Variants in GPC6 observed in about 807,000 individuals in gnomAD.
GPC6 encodes the protein glypican 6.
A neutral mutation model predicts 55.2 loss-of-function variants in GPC6; 14 were observed. The ratio of observed to expected loss-of-function variants is 0.25; its 90% CI spans 0.17 to 0.40. The LOEUF is 0.40. Among genes scored for constraint, GPC6 ranks in the 10% least tolerant of loss-of-function variants. The probability of loss-of-function intolerance (pLI) is 1.00; values close to 1 mark genes in which losing one functional copy is unlikely to be tolerated. For synonymous variants in GPC6, 278 were observed against 259.6 expected (o/e 1.07, Z -0.68); for missense variants, 641 against 708.5 (o/e 0.90, Z 1.08).
intron 1 of GPC6, among the ~76,000 whole-genome samples, chr13:93,411,119 C>T (rs903398175): frequency 2.6e-5 from 4 of 152,128 alleles, no homozygotes; most frequent in Non-Finnish European, 5.9e-5. Context: ...GATATTTCCT[C>T]GAAGGCTGGT....
At chr13:93,218,542 A>G in the GPC6 span, among the ~76,000 whole-genome samples, 1 of 152,222 alleles carries the variant, frequency 6.6e-6, no homozygotes, top group African/African-American at 2.4e-5. Flanking sequence ...AGTTGGGCTT[A>G]ATGTAGTCAC....
At chr13:94,338,796 G>A (rs1877862262) in intron 6 of GPC6, among the ~76,000 whole-genome samples, 2 of 152,176 alleles carry the variant, frequency 1.3e-5, no homozygotes, top group African/African-American at 2.4e-5. Flanking sequence ...AGCCCAGGCA[G>A]GAACTGGTTT....
chr13:93,573,952 A>T (rs1190175526), intron 2 of GPC6, among the ~76,000 whole-genome samples: 1 of 152,096 alleles, frequency 6.6e-6, no homozygotes, highest in Admixed American at 6.6e-5. Flanking sequence ...GAGTTGAGAG[A>T]CATGAGGTGT....
At chr13:93,961,261 G>C (rs148387534) in intron 3 of GPC6, among the ~76,000 whole-genome samples, 14 of 152,150 alleles carry the variant, frequency 9.2e-5, no homozygotes, top group African/African-American at 3.4e-4. Flanking sequence ...ATAATCTCTT[G>C]AGTCTTAACT....
At chr13:94,291,037 C>T (rs1312233181) in intron 5 of GPC6, among the ~76,000 whole-genome samples, 1 of 151,940 alleles carries the variant, frequency 6.6e-6, no homozygotes, top group Non-Finnish European at 1.5e-5. Context: ...ACTAAAACTA[C>T]AAAAATTAGC....
At chr13:93,291,837 A>C (rs142736069) in intron 1 of GPC6, among the ~76,000 whole-genome samples, 48 of 152,236 alleles carry the variant, frequency 3.2e-4, no homozygotes, top group African/African-American at 1.1e-3. Context: ...GAGAGATTTT[A>C]ACTTGGAAAA....
At chr13:93,572,718 A>AT (rs1876467296) in intron 2 of GPC6, among the ~76,000 whole-genome samples, 1 of 152,092 alleles carries the variant, frequency 6.6e-6, no homozygotes, top group Non-Finnish European at 1.5e-5. Flanking sequence ...AGTCTTTTGT[A>AT]TTTTTTCTCA....
chr13:94,215,565 C>G (rs2138994489), intron 4 of GPC6, among the ~76,000 whole-genome samples: 1 of 152,278 alleles, frequency 6.6e-6, no homozygotes, highest in East Asian at 1.9e-4. Context: ...TTGCAATATC[C>G]TGACATATGT....
chr13:93,364,526 G>A (rs1290010306), intron 1 of GPC6, among the ~76,000 whole-genome samples: 2 of 151,864 alleles, frequency 1.3e-5, no homozygotes, highest in Non-Finnish European at 2.9e-5. Context: ...TCATTTAGGA[G>A]CATTTTTTTC....
chr13:93,776,769 A>T (rs1885483119), intron 2 of GPC6, among the ~76,000 whole-genome samples: 1 of 152,194 alleles, frequency 6.6e-6, no homozygotes, highest in African/African-American at 2.4e-5. Context: ...TAAATGACAT[A>T]AAACATTTCA....
intron 4 of GPC6, among the ~76,000 whole-genome samples, chr13:94,266,438 G>A (rs935464584): frequency 2.6e-5 from 4 of 152,116 alleles, no homozygotes; most frequent in Admixed American, 6.5e-5. Context: ...AAAGTGCTGG[G>A]ATTACAGGCG....
intron 2 of GPC6, among the ~76,000 whole-genome samples, chr13:93,651,450 C>T (rs1038592037): frequency 1.3e-5 from 2 of 152,072 alleles, no homozygotes; most frequent in Non-Finnish European, 2.9e-5. Flanking sequence ...GCAACCACAA[C>T]CAGCGACTTA....
At chr13:94,236,779 G>A (rs9524380) in intron 4 of GPC6, among the ~76,000 whole-genome samples, 47,166 of 151,828 alleles carry the variant, frequency 0.31, 7,654 homozygotes, top group Non-Finnish European at 0.35. Flanking sequence ...ACAGGGTGTC[G>A]TCTAAACTCT....
At chr13:94,378,582 C>G (rs1880010727) in intron 6 of GPC6, among the ~76,000 whole-genome samples, 1 of 152,114 alleles carries the variant, frequency 6.6e-6, no homozygotes, top group African/African-American at 2.4e-5. Context: ...TTTGTCTCTA[C>G]TGACATCAGA....
intron 6 of GPC6, among the ~76,000 whole-genome samples, chr13:94,367,558 C>G (rs1436394396): frequency 6.6e-6 from 1 of 152,158 alleles, no homozygotes; most frequent in East Asian, 1.9e-4. Context: ...TGATGTCTCC[C>G]ACATTTATCC....
chr13:93,975,460 G>A (rs1391500028), intron 3 of GPC6, among the ~76,000 whole-genome samples: 8 of 152,108 alleles, frequency 5.3e-5, no homozygotes, highest in Admixed American at 2.0e-4. Context: ...GCTGGGTTAT[G>A]ATTCAAGTCA....
At chr13:93,939,498 A>AT in intron 3 of GPC6, among the ~76,000 whole-genome samples, 1 of 152,080 alleles carries the variant, frequency 6.6e-6, no homozygotes, top group South Asian at 2.1e-4. Context: ...GTTTGCATTT[A>AT]TATAGGAGAA....
At chr13:94,302,592 A>C (rs1204993928) in intron 5 of GPC6, among the ~76,000 whole-genome samples, 5 of 152,114 alleles carry the variant, frequency 3.3e-5, no homozygotes, top group Non-Finnish European at 5.9e-5. Context: ...TATAAGACTA[A>C]TACAAAAGTT....
chr13:93,705,985 T>C (rs1219110202), intron 2 of GPC6, among the ~76,000 whole-genome samples: 1 of 151,706 alleles, frequency 6.6e-6, no homozygotes, highest in Non-Finnish European at 1.5e-5. Context: ...CCAAGCAGAA[T>C]GTCTTGGGGA....
Sources: gnomAD v4.1 joint callset for allele counts (sites outside exome capture counted in the v4.1 genomes callset) on GRCh38, gnomAD v4.1.1 for gene constraint, MANE v1.5 for transcripts, NCBI Gene and HGNC (gene_info 2026-07-23, HGNC 2026-07-21) for gene names.